The following SLC2A7 variants were observed in gnomAD, a reference collection of about 807,000 sequenced individuals.
SLC2A7 encodes the protein solute carrier family 2 member 7, also known as solute carrier family 2, facilitated glucose transporter member 7.
Under a neutral mutation model 50.5 loss-of-function variants are expected in SLC2A7, and 50 were observed. That is an observed-to-expected ratio of 0.99 (90% CI 0.79 to 1.25). The LOEUF is 1.25. SLC2A7 is among the 50% of genes most tolerant of loss of function. The pLI, the probability that SLC2A7 is intolerant of heterozygous loss-of-function variation, is 0.00. For missense variants in SLC2A7, 683 were observed against 679.1 expected, an observed-to-expected ratio of 1.01 and a Z score of -0.06; for synonymous variants, 308 against 300.4, an observed-to-expected ratio of 1.03 and a Z score of -0.26.
chr1:9,000,207 C>T (rs942636301), downstream of SLC2A7, among the ~76,000 whole-genome samples: 61 of 152,112 alleles, frequency 4.0e-4, no homozygotes, highest in African/African-American at 1.4e-3. Flanking sequence ...CTGTAATCTT[C>T]AGTGCTTTGG....
intron 5 of SLC2A7, among the ~76,000 whole-genome samples, chr1:9,017,332 A>T (rs900202064): frequency 6.6e-6 from 1 of 152,032 alleles, no homozygotes; most frequent in African/African-American, 2.4e-5. Context: ...AACAACAACA[A>T]CAAAACAACA....
In SLC2A7 at chr1:9,008,097, A is replaced by G. The variant is rs745456729; in HGVS notation, c.1117-712T>C. Among the ~76,000 whole-genome samples the G allele has an allele frequency of 5.9e-5, 9 of 151,958 alleles. No individual in the cohort carries two copies. The highest frequency in any genetic ancestry group is 1.2e-4 in the Non-Finnish European group (8 of 67,980). ...CCCGGACCCGTGGAGCTGGCAGACC[A>G]CCATCTCTGCTCCCAACTGCCGAGA... is the stretch of plus-strand genomic sequence containing the variant. On this transcript the variant is annotated intron_variant, in intron 9 of 11. Coordinates refer to ENST00000400906, the MANE Select transcript of SLC2A7 (RefSeq NM_207420.3). This position sits in a 1 kb window ranked among gnomAD's most constrained non-coding sequence, Gnocchi z 5.9.
chr1:9,025,111 C>T, intron 1 of SLC2A7, 37 bp from the exon 2 acceptor site: 1 of 1,604,760 alleles, frequency 6.2e-7, no homozygotes, highest in South Asian at 1.1e-5. Context: ...ACGCTGTGGG[C>T]TTGGGCCTCG....
intron 6 of SLC2A7, 84 bp downstream of exon 6, chr1:9,015,033 G>T: frequency 6.3e-7 from 1 of 1,575,084 alleles, no homozygotes. Context: ...CTGACCCATG[G>T]CGACCCTGAC....
At chr1:9,010,034 A>G in intron 9 of SLC2A7, 109 bp downstream of exon 9, 3 of 936,832 alleles carry the variant, frequency 3.2e-6, no homozygotes, top group South Asian at 3.0e-5. Flanking sequence ...GATGCATGCC[A>G]TCAGTGGGAC....
At chr1:9,025,299 C>CA (rs1640980728) in intron 1 of SLC2A7, among the ~76,000 whole-genome samples, 1 of 152,202 alleles carries the variant, frequency 6.6e-6, no homozygotes, top group Non-Finnish European at 1.5e-5. Context: ...GCATCTGCTA[C>CA]GTGCCTGGCC....
intron 8 of SLC2A7, among the ~76,000 whole-genome samples, chr1:9,012,632 G>A (rs1640764165): frequency 6.6e-6 from 1 of 152,104 alleles, no homozygotes; most frequent in Non-Finnish European, 1.5e-5. Flanking sequence ...TACCATCACT[G>A]GCAACTCAAG....
intron 10 of SLC2A7, among the ~76,000 whole-genome samples, chr1:9,006,296 C>A (rs1197116812): frequency 2.6e-5 from 4 of 152,212 alleles, no homozygotes; most frequent in Non-Finnish European, 5.9e-5. Context: ...TGCTCTCTTG[C>A]CCAGCCTGGA....
chr1:8,999,423 C>A (rs567372757), downstream of SLC2A7, among the ~76,000 whole-genome samples: 49 of 152,318 alleles, frequency 3.2e-4, no homozygotes, highest in African/African-American at 1.1e-3. Flanking sequence ...CTATCCTGTC[C>A]CCTGGCTGTA....
intron 6 of SLC2A7, 88 bp from the exon 7 acceptor site, chr1:9,014,956 C>G (rs1040835291): frequency 1.3e-6 from 2 of 1,504,134 alleles, no homozygotes; most frequent in Non-Finnish European, 1.8e-6. Context: ...CTCACCATTC[C>G]CTGACCTGAC....
At chr1:9,007,220 A>G (rs1640665453) in intron 10 of SLC2A7, 90 bp downstream of exon 10, 9 of 1,447,786 alleles carry the variant, frequency 6.2e-6, no homozygotes, top group South Asian at 2.3e-5. Context: ...ACGTCCATTC[A>G]CTCAGCAAAT....
Position 9,018,260 on chromosome 1 carries a change from C to G in SLC2A7, c.552G>C (p.Gln184His). 2 of 1,614,134 alleles carry G rather than the reference C, an allele frequency of 1.2e-6. No individual in the cohort carries two copies. The highest frequency in any genetic ancestry group is 8.5e-7 in the Non-Finnish European group (1 of 1,180,034). ...CCAAGATGGCCTGGAGGCTGAAGAT[C>G]TGTGCTAGGAAGACTCCAACGATGA... Reference protein sequence around the residue: ...VFVIVGVFLAQIFSLQAILGN... With the variant: ...VFVIVGVFLAHIFSLQAILGN... The change falls in exon 5 of 12, where the codon CAG (glutamine) becomes CAC (histidine). Residue 184 changes from glutamine (Q) to histidine (H), a missense_variant. By Grantham distance (24) the Gln-to-His change is conservative. Transcript: ENST00000400906.
At chr1:9,018,486 C>T (rs879337448) in intron 4 of SLC2A7, 111 bp from the exon 5 acceptor site, 105 of 1,446,908 alleles carry the variant, frequency 7.3e-5, no homozygotes, top group Non-Finnish European at 9.2e-5. Context: ...TCAGCCCCTC[C>T]GTGGAGATGG....
intron 8 of SLC2A7, 149 bp from the exon 9 acceptor site, chr1:9,010,393 T>A: frequency 1.5e-6 from 1 of 653,890 alleles, no homozygotes; most frequent in Non-Finnish European, 2.6e-6. Flanking sequence ...AGTTTTGCTC[T>A]TGCTGCCCAG....
At chr1:9,016,612 GA>G (rs1640834601) in intron 5 of SLC2A7, among the ~76,000 whole-genome samples, 1 of 150,988 alleles carries the variant, frequency 6.6e-6, no homozygotes, top group South Asian at 2.1e-4. Context: ...AGGAAGGAAG[GA>G]AGGAAGGGAA....
intron 4 of SLC2A7, among the ~76,000 whole-genome samples, chr1:9,018,612 C>T (rs985507496): frequency 1.3e-5 from 2 of 152,346 alleles, no homozygotes; most frequent in African/African-American, 2.4e-5. Flanking sequence ...TTTCTAGCCA[C>T]CGGGCTGGGC....
the SLC2A7 span, among the ~76,000 whole-genome samples, chr1:8,997,605 G>A: frequency 6.6e-6 from 1 of 152,062 alleles, no homozygotes; most frequent in South Asian, 2.1e-4. Context: ...TCACCATGTT[G>A]ACCAGGCTAG....
Position 9,008,454 on chromosome 1 carries a change from T to C in SLC2A7, c.1117-1069A>G, listed in dbSNP as rs1348614293. ...CTGCTGCATTTTCAGGCAGAGCCCC[T>C]GGTTGGACAGAAGGAGTGAAAGAGC... is the stretch of plus-strand genomic sequence containing the variant. On this transcript the variant is annotated intron_variant, in intron 9 of 11. Coordinates refer to ENST00000400906, the MANE Select transcript of SLC2A7 (RefSeq NM_207420.3). The surrounding 1 kb of genome is among the most constrained non-coding windows in gnomAD (Gnocchi z 5.9). Among the ~76,000 whole-genome samples, 1 of 152,168 alleles carries C rather than the reference T, an allele frequency of 6.6e-6. No homozygotes were observed. Among genetic ancestry groups the C allele is most frequent in the Non-Finnish European group, 1.5e-5 (1 of 68,020 alleles).
In SLC2A7 at chr1:9,003,102, C is replaced by A. The variant is rs113298426; in HGVS notation, c.*198G>T. On this transcript the variant is annotated 3_prime_UTR_variant, in exon 12 of 12. Coordinates refer to ENST00000400906, the MANE Select transcript of SLC2A7 (RefSeq NM_207420.3). ...CACGTGCCGGCCCCTTCCTCCAGGT[C>A]ATTCCTCAATGGCTAGCCTTGGAAC... is the stretch of plus-strand genomic sequence containing the variant. 1.3e-5 allele frequency among the ~76,000 whole-genome samples: 2 copies of A among 152,238 alleles called. No homozygotes were observed. Among genetic ancestry groups the A allele is most frequent in the African/African-American group, 4.8e-5 (2 of 41,460 alleles).
Sources: gnomAD v4.1 joint callset for allele counts (sites outside exome capture counted in the v4.1 genomes callset) on GRCh38, gnomAD v4.1.1 for gene constraint, Gnocchi (gnomAD v3.1) non-coding constraint, MANE v1.5 for transcripts, NCBI Gene and HGNC (gene_info 2026-07-23, HGNC 2026-07-21) for gene names.